NTM: variants seen among roughly 807,000 people sequenced by gnomAD.
NTM encodes IgLON family member 2.
In NTM, 13 loss-of-function variants were observed where a neutral mutation model predicts 42.1. The observed-to-expected ratio is 0.31, with a 90% CI of 0.20 to 0.49. NTM has a LOEUF of 0.49. Among genes scored for constraint, NTM ranks in the 20% least tolerant of loss-of-function variants. The probability of loss-of-function intolerance (pLI) is 0.99; values close to 1 mark genes in which losing one functional copy is unlikely to be tolerated. For synonymous variants in NTM, 187 were observed against 179.2 expected, an observed-to-expected ratio of 1.04 and a Z score of -0.35; for missense variants, 373 against 452.8, an observed-to-expected ratio of 0.82 and a Z score of 1.60.
chr11:132,192,731 C>T (rs1274183316), intron 3 of NTM, among the ~76,000 whole-genome samples: 3 of 152,064 alleles, frequency 2.0e-5, no homozygotes. Flanking sequence ...AAGCAAGACC[C>T]AACAGTCTGC....
intron 4 of NTM, among the ~76,000 whole-genome samples, chr11:132,274,458 A>C (rs2093629481): frequency 6.6e-6 from 1 of 152,068 alleles, no homozygotes; most frequent in African/African-American, 2.4e-5. Flanking sequence ...CATTTATCTC[A>C]AAGTATAATT....
rs927744445 is a variant in NTM, at chr11:132,037,434, C to G, written c.168-108848C>G. On this transcript the variant is annotated intron_variant, in intron 2 of 8. Coordinates refer to ENST00000683400, the MANE Select transcript of NTM (RefSeq NM_001352005.2). ...ATCCATCTTGGGTATTCTTTTATAG[C>G]AACACTAAATGGACTGAGACACTGG... Among the ~76,000 whole-genome samples, 5 of 152,148 alleles carry G rather than the reference C, an allele frequency of 3.3e-5. No homozygotes were observed. In the South Asian group the frequency reaches 8.3e-4, roughly 25 times the overall value.
chr11:132,135,839 A>G (rs1430289873), intron 2 of NTM, among the ~76,000 whole-genome samples: 1 of 152,136 alleles, frequency 6.6e-6, no homozygotes, highest in Non-Finnish European at 1.5e-5. Flanking sequence ...TGTGCAAATG[A>G]TGAGGCCCCC....
In NTM at chr11:131,974,455, A is replaced by G. The variant is rs549744738; in HGVS notation, c.167+62807A>G. Among the ~76,000 whole-genome samples, 5 of 152,354 alleles carry G rather than the reference A, an allele frequency of 3.3e-5. No homozygotes were observed. In the South Asian group the frequency reaches 6.2e-4, roughly 19 times the overall value. ...AATTTGAACAGTGATGAGCATTTGC[A>G]TATTTATAATCTACATGTGAACTTA... is the stretch of plus-strand genomic sequence containing the variant. On this transcript the variant is annotated intron_variant, in intron 2 of 8. Transcript: ENST00000683400.
chr11:132,283,270 C>A (rs1337410094), intron 4 of NTM, among the ~76,000 whole-genome samples: 1 of 152,116 alleles, frequency 6.6e-6, no homozygotes, highest in Non-Finnish European at 1.5e-5. Flanking sequence ...TAGGCATGAG[C>A]CACCGCTCCG....
intron 1 of NTM, among the ~76,000 whole-genome samples, chr11:131,862,111 G>A (rs2046698744): frequency 6.6e-6 from 1 of 152,196 alleles, no homozygotes; most frequent in South Asian, 2.1e-4. Context: ...GAGCACGTGT[G>A]TTGCAAAGCC....
intron 4 of NTM, among the ~76,000 whole-genome samples, chr11:132,304,898 T>G (rs1223942060): frequency 6.6e-6 from 1 of 152,218 alleles, no homozygotes; most frequent in Non-Finnish European, 1.5e-5. Flanking sequence ...TCACTGTTCC[T>G]GCAGGATGAC....
chr11:131,658,796 C>T (rs748029794), intron 1 of NTM, among the ~76,000 whole-genome samples: 4 of 152,084 alleles, frequency 2.6e-5, no homozygotes, highest in African/African-American at 9.7e-5. Flanking sequence ...ATGGCAAAAC[C>T]CTGTCTCTAA....
chr11:131,421,388 CA>C (rs1441710976), intron 1 of NTM, among the ~76,000 whole-genome samples: 1 of 152,220 alleles, frequency 6.6e-6, no homozygotes, highest in Non-Finnish European at 1.5e-5. Context: ...GGCCGGTGTG[CA>C]GCCCTGCCTG....
intron 1 of NTM, among the ~76,000 whole-genome samples, chr11:131,859,788 G>C (rs1006142088): frequency 2.6e-5 from 4 of 152,130 alleles, no homozygotes. Context: ...GTATTGAAGA[G>C]GATGATGTCG....
At chr11:132,115,495 G>A (rs1255691843) in intron 2 of NTM, among the ~76,000 whole-genome samples, 1 of 152,032 alleles carries the variant, frequency 6.6e-6, no homozygotes, top group East Asian at 1.9e-4. Flanking sequence ...ATAAGATTAG[G>A]GCCGAAAACA....
At chr11:131,595,901 A>G (rs1486306690) in intron 1 of NTM, among the ~76,000 whole-genome samples, 2 of 152,248 alleles carry the variant, frequency 1.3e-5, no homozygotes, top group Admixed American at 6.5e-5. Flanking sequence ...GAAAGAAGCC[A>G]GGGGTTCTTG....
At chr11:132,237,883 A>G (rs2089370755) in intron 4 of NTM, among the ~76,000 whole-genome samples, 1 of 152,192 alleles carries the variant, frequency 6.6e-6, no homozygotes, top group Admixed American at 6.5e-5. Context: ...TCGGCAGCCC[A>G]ACCATCCCCT....
chr11:131,505,855 C>T (rs1336031274), intron 1 of NTM, among the ~76,000 whole-genome samples: 1 of 152,184 alleles, frequency 6.6e-6, no homozygotes, highest in African/African-American at 2.4e-5. Context: ...GTTTAACTAG[C>T]TGTGTGATCC....
intron 2 of NTM, among the ~76,000 whole-genome samples, chr11:132,075,300 G>A (rs566371866): frequency 6.6e-6 from 1 of 151,956 alleles, no homozygotes; most frequent in South Asian, 2.1e-4. Context: ...TGGTTAAGAG[G>A]GTAGAGCTCA....
chr11:131,458,560 C>G (rs997250666), intron 1 of NTM, among the ~76,000 whole-genome samples: 5 of 152,188 alleles, frequency 3.3e-5, no homozygotes, highest in Non-Finnish European at 7.3e-5. Context: ...TAACACCCAG[C>G]AGGATTTTCA....
At chr11:132,144,360 A>G (rs139120852) in intron 2 of NTM, among the ~76,000 whole-genome samples, 31 of 152,302 alleles carry the variant, frequency 2.0e-4, no homozygotes, top group Middle Eastern at 3.4e-3. Flanking sequence ...GTGCACCGTA[A>G]AGCTTGAGAA....
At chr11:131,599,819 A>G (rs2060309839) in intron 1 of NTM, among the ~76,000 whole-genome samples, 1 of 152,208 alleles carries the variant, frequency 6.6e-6, no homozygotes, top group Admixed American at 6.5e-5. Context: ...TGACCCATGA[A>G]GAATGGTTGG....
intron 1 of NTM, among the ~76,000 whole-genome samples, chr11:131,380,491 G>A (rs546554490): frequency 2.0e-5 from 3 of 152,190 alleles, no homozygotes; most frequent in South Asian, 2.1e-4. Context: ...GATTACAGGC[G>A]TGAGCTACCG....
Sources: gnomAD v4.1 joint callset for allele counts (sites outside exome capture counted in the v4.1 genomes callset) on GRCh38, gnomAD v4.1.1 for gene constraint, MANE v1.5 for transcripts, NCBI Gene and HGNC (gene_info 2026-07-23, HGNC 2026-07-21) for gene names.